The following TRPC5 variants were observed in gnomAD, a reference collection of about 807,000 sequenced individuals.
TRPC5 encodes transient receptor potential cation channel subfamily C member 5, also known as short transient receptor potential channel 5.
Under a neutral mutation model 56.5 loss-of-function variants are expected in TRPC5, and 9 were observed. The ratio of observed to expected loss-of-function variants is 0.16; its 90% confidence interval spans 0.10 to 0.28. The LOEUF (loss-of-function observed/expected upper bound fraction) is 0.28. Among genes scored for constraint, TRPC5 ranks in the 10% least tolerant of loss-of-function variants. TRPC5 has a pLI of 1.00. For missense variants in TRPC5, 469 were observed against 748.9 expected (o/e 0.63, Z 4.36); for synonymous variants, 282 against 278.5 (o/e 1.01, Z -0.13).
intron 2 of TRPC5, among the ~76,000 whole-genome samples, chrX:111,951,413 G>A (rs766854535): frequency 2.7e-5 from 3 of 111,938 alleles, no homozygotes; most frequent in South Asian, 3.8e-4. Context: ...AGGAACCACA[G>A]GACTCGGGGA....
At chrX:111,922,183 C>G (rs1490909464) in intron 2 of TRPC5, among the ~76,000 whole-genome samples, 7 of 111,874 alleles carry the variant, frequency 6.3e-5, no homozygotes, top group Admixed American at 9.5e-5. Context: ...TGAACCCTAT[C>G]GTTACCCTTG....
chrX:111,901,576 G>A (rs1247143593), intron 3 of TRPC5: 4 of 207,593 alleles, frequency 1.9e-5, no homozygotes, highest in South Asian at 2.3e-4. Flanking sequence ...GTGACAGTCC[G>A]CCTGATGGTC....
At chrX:111,807,346 TGAGA>T (rs769178055) in intron 7 of TRPC5, among the ~76,000 whole-genome samples, 4 of 112,301 alleles carry the variant, frequency 3.6e-5, no homozygotes, top group Admixed American at 9.5e-5. Context: ...ACTCTGCTAT[TGAGA>T]GACTCATGCA....
chrX:111,986,581 G>T (rs1013702440), intron 1 of TRPC5, among the ~76,000 whole-genome samples: 3 of 110,434 alleles, frequency 2.7e-5, no homozygotes, highest in African/African-American at 9.9e-5. Context: ...CTTTTCCCAG[G>T]CAATGCAGGG....
At position 111,827,155 on chromosome X, in the gene TRPC5, T is replaced by C. The variant is rs150444476; in HGVS notation, c.1896+7766A>G. 5.1e-3 allele frequency among the ~76,000 whole-genome samples: 566 copies of C among 111,732 alleles called. 1 individual carries two copies. Among genetic ancestry groups the C allele is most frequent in the Non-Finnish European group, 8.3e-3 (441 of 53,154 alleles). On this transcript the variant is annotated intron_variant, in intron 7 of 10. Coordinates refer to ENST00000262839, the MANE Select transcript of TRPC5 (RefSeq NM_012471.3). ...ATAATATAGCACATTGTCTTGATTT[T>C]TCTCCCATCCCTCTGGCTGTTCTTT...
intron 7 of TRPC5, among the ~76,000 whole-genome samples, chrX:111,806,957 C>G (rs1362889889): frequency 8.9e-6 from 1 of 111,784 alleles, no homozygotes; most frequent in Non-Finnish European, 1.9e-5. Context: ...AACTTCATTA[C>G]ATGTTATTTG....
chrX:111,881,554 G>A (rs1924223586), intron 3 of TRPC5, among the ~76,000 whole-genome samples: 1 of 111,370 alleles, frequency 9.0e-6, no homozygotes, highest in Admixed American at 9.6e-5. Context: ...ATTCTGATTG[G>A]CAGAAATAAA....
At chrX:111,804,367 GT>G (rs1376967073) in intron 7 of TRPC5, among the ~76,000 whole-genome samples, 2 of 111,791 alleles carry the variant, frequency 1.8e-5, no homozygotes, top group African/African-American at 3.3e-5. Context: ...CTTTAAAGTA[GT>G]TTTTTTCCAA....
rs139162811 is a variant in TRPC5, at chrX:111,823,776, C to G, written c.1896+11145G>C. ...TTCTGGTTAGGACCTAGGGAACAGT[C>G]AGCAAGTTAGTCAACCAGGGGGAAG... On this transcript the variant is annotated intron_variant, in intron 7 of 10. Coordinates refer to ENST00000262839, the MANE Select transcript of TRPC5 (RefSeq NM_012471.3). Among the ~76,000 whole-genome samples the G allele has an allele frequency of 7.2e-5, 8 of 111,116 alleles. 1 individual carries two copies. Among genetic ancestry groups the G allele is most frequent in the Admixed American group, 1.9e-4 (2 of 10,425 alleles).
intron 1 of TRPC5, among the ~76,000 whole-genome samples, chrX:111,980,911 GTA>G (rs764889761): frequency 7.5e-5 from 7 of 93,863 alleles, no homozygotes; most frequent in East Asian, 6.0e-4. Flanking sequence ...TTATATATAT[GTA>G]TATATATATA....
intron 1 of TRPC5, among the ~76,000 whole-genome samples, chrX:112,008,530 G>A (rs1461797521): frequency 9.2e-6 from 1 of 108,755 alleles, no homozygotes; most frequent in African/African-American, 3.4e-5. Context: ...AACCCGGGAG[G>A]TGGAGCTTGC....
chrX:111,853,863 G>A lies in TRPC5; in HGVS notation c.1144C>T (p.Leu382Phe), dbSNP rs767571116. 6 of 1,211,977 alleles carry A rather than the reference G, an allele frequency of 5.0e-6. No individual in the cohort carries two copies. In the South Asian group the frequency reaches 1.1e-4, roughly 21 times the overall value. ...ASYLTFLFML[L>F]LASQHIVRTD... is the part of the protein sequence containing the mutation. ...CTGACAATGTGCTGAGAAGCCAGGAGAAGCATAAAGAGGAAGGTCAAATAG... is the reference window on the plus strand; with the variant it reads ...CTGACAATGTGCTGAGAAGCCAGGAAAAGCATAAAGAGGAAGGTCAAATAG... Residue 382 changes from leucine to phenylalanine, a missense_variant, in exon 4 of 11, where the codon CTC becomes TTC. Physicochemically the swap from Leu to Phe is conservative, Grantham distance 22. Around this residue, in one of 3 missense-constraint regions of TRPC5, gnomAD observed 157 missense variants for 360.0 expected, o/e 0.44. Coordinates refer to ENST00000262839, the MANE Select transcript of TRPC5 (RefSeq NM_012471.3).
chrX:112,008,596 T>G (rs1928905720), intron 1 of TRPC5, among the ~76,000 whole-genome samples: 1 of 91,910 alleles, frequency 1.1e-5, no homozygotes, highest in African/African-American at 5.2e-5. Context: ...CAAGACTCTG[T>G]CTCAAAAAAA....
In TRPC5 at chrX:111,909,968, A is replaced by C. The variant is rs746687247; in HGVS notation, c.900+2323T>G. On this transcript the variant is annotated intron_variant, in intron 3 of 10. Transcript: ENST00000262839. ...AACGGTAACTAAAACTGGCAAATGA[A>C]GATCATATGAGCAAGTGGAGTCAAG... 2.7e-5 allele frequency among the ~76,000 whole-genome samples: 3 copies of C among 111,895 alleles called. No individual in the cohort carries two copies. In the East Asian group the frequency reaches 8.4e-4, roughly 31 times the overall value.
intron 7 of TRPC5, among the ~76,000 whole-genome samples, chrX:111,792,184 A>G (rs1603030175): frequency 8.9e-6 from 1 of 111,932 alleles, no homozygotes; most frequent in Non-Finnish European, 1.9e-5. Context: ...GGAAGCCATC[A>G]TTCTCAGCAA....
At chrX:112,067,462 C>A (rs1483634590) in intron 1 of TRPC5, among the ~76,000 whole-genome samples, 1 of 112,406 alleles carries the variant, frequency 8.9e-6, no homozygotes, top group Non-Finnish European at 1.9e-5. Flanking sequence ...GTGTGTCTGC[C>A]GTCTCAGCTT....
chrX:111,827,742 C>T (rs149210818), intron 7 of TRPC5, among the ~76,000 whole-genome samples: 2,089 of 111,481 alleles, frequency 0.019, 38 homozygotes, highest in African/African-American at 0.064. Flanking sequence ...TGCCCCTATC[C>T]CACTCTAGTC....
chrX:112,011,028 G>C (rs2148662805), intron 1 of TRPC5, among the ~76,000 whole-genome samples: 1 of 111,538 alleles, frequency 9.0e-6, no homozygotes, highest in Non-Finnish European at 1.9e-5. Context: ...TCTGCAGAAG[G>C]GACATGCTAC....
chrX:112,010,774 C>T lies in TRPC5; in HGVS notation c.-21-58333G>A, dbSNP rs146399053. Among the ~76,000 whole-genome samples the T allele has an allele frequency of 2.7e-3, 305 of 112,096 alleles. 1 individual carries two copies. The highest frequency in any genetic ancestry group is 9.2e-3 in the African/African-American group (283 of 30,855). ...TATCCTTGACTGAAATTTCATTATG[C>T]AGCATGTGACTGTACTTCTCAGGGT... On this transcript the variant is annotated intron_variant, in intron 1 of 10. Transcript: ENST00000262839.
Sources: gnomAD v4.1 joint callset for allele counts (sites outside exome capture counted in the v4.1 genomes callset) on GRCh38, gnomAD v4.1.1 for gene constraint, gnomAD v4.1.1 regional missense constraint, MANE v1.5 for transcripts, NCBI Gene and HGNC (gene_info 2026-07-23, HGNC 2026-07-21) for gene names.